CNTN5: variants seen among roughly 807,000 people sequenced by gnomAD.
CNTN5 encodes contactin 5.
CNTN5 carries 77 observed loss-of-function variants against 129.1 expected under a neutral mutation model. That is an observed-to-expected ratio of 0.60 (90% CI 0.50 to 0.72). The LOEUF is 0.72. Among genes scored for constraint, CNTN5 ranks in the 30% least tolerant of loss-of-function variants. The probability of loss-of-function intolerance (pLI) is 0.00; values close to 1 mark genes in which losing one functional copy is unlikely to be tolerated. For missense variants in CNTN5, 1,478 were observed against 1,328.8 expected, an observed-to-expected ratio of 1.11 and a Z score of -1.75; for synonymous variants, 509 against 465.6, an observed-to-expected ratio of 1.09 and a Z score of -1.20.
At chr11:99,711,065 T>A (rs1342358923) in intron 3 of CNTN5, among the ~76,000 whole-genome samples, 4 of 151,950 alleles carry the variant, frequency 2.6e-5, no homozygotes, top group African/African-American at 9.7e-5. Flanking sequence ...ATTCTAATTG[T>A]ACATAACCTA....
chr11:100,039,280 A>T (rs189638372), intron 9 of CNTN5, among the ~76,000 whole-genome samples: 1 of 152,176 alleles, frequency 6.6e-6, no homozygotes, highest in African/African-American at 2.4e-5. Context: ...TTTCTTTAAG[A>T]ATGTTGAATA....
At chr11:99,621,182 C>T (rs1436320068) in intron 3 of CNTN5, among the ~76,000 whole-genome samples, 1 of 152,004 alleles carries the variant, frequency 6.6e-6, no homozygotes, top group Non-Finnish European at 1.5e-5. Flanking sequence ...CAGTCATGGC[C>T]AGTGATGAAA....
chr11:99,873,015 T>C (rs1411888490), intron 6 of CNTN5, among the ~76,000 whole-genome samples: 1 of 152,104 alleles, frequency 6.6e-6, no homozygotes, highest in East Asian at 1.9e-4. Flanking sequence ...TTTACCCTTA[T>C]AAATGTAATA....
rs181120960 is a variant in CNTN5 at position 100,117,627 on chromosome 11, C to A, written c.1580+43333C>A. Among the ~76,000 whole-genome samples, 60 of 151,992 alleles carry A rather than the reference C, an allele frequency of 3.9e-4. No homozygotes were observed. The East Asian group carries it at 0.011, about 29-fold the overall frequency. ...AAAATTACCTTCACCACCTGAAAAT[C>A]TCTTTGTATCAGGCATAATAGCTGG... On this transcript the variant is annotated intron_variant, in intron 13 of 24. Coordinates refer to ENST00000524871, the MANE Select transcript of CNTN5 (RefSeq NM_014361.4).
intron 9 of CNTN5, among the ~76,000 whole-genome samples, chr11:100,023,297 G>T (rs1300456309): frequency 6.6e-6 from 1 of 152,116 alleles, no homozygotes; most frequent in Non-Finnish European, 1.5e-5. Context: ...CCTCCAGTGT[G>T]TTTTATCAGA....
chr11:99,799,692 G>A (rs528853866), intron 3 of CNTN5, among the ~76,000 whole-genome samples: 3 of 152,136 alleles, frequency 2.0e-5, no homozygotes, highest in Admixed American at 6.5e-5. Flanking sequence ...CAGGGATATT[G>A]GCATGTAATT....
At chr11:100,061,594 A>G (rs1943486429) in intron 10 of CNTN5, among the ~76,000 whole-genome samples, 1 of 152,234 alleles carries the variant, frequency 6.6e-6, no homozygotes, top group Non-Finnish European at 1.5e-5. Flanking sequence ...ATGGGGAATT[A>G]TCGGTGTCTT....
chr11:100,177,020 A>T (rs1023793083), intron 13 of CNTN5, among the ~76,000 whole-genome samples: 1 of 152,018 alleles, frequency 6.6e-6, no homozygotes, highest in Non-Finnish European at 1.5e-5. Flanking sequence ...GCTGAAGAGT[A>T]TGTTATCTTG....
At chr11:99,070,566 T>C (rs1259890046) in intron 1 of CNTN5, among the ~76,000 whole-genome samples, 1 of 151,752 alleles carries the variant, frequency 6.6e-6, no homozygotes, top group African/African-American at 2.4e-5. Flanking sequence ...GATAGACAAA[T>C]ATACTTTTAC....
At chr11:100,198,070 T>G (rs1948692069) in intron 15 of CNTN5, among the ~76,000 whole-genome samples, 1 of 151,972 alleles carries the variant, frequency 6.6e-6, no homozygotes, top group African/African-American at 2.4e-5. Context: ...ATTTTTAAAC[T>G]ACACATTTGT....
intron 3 of CNTN5, among the ~76,000 whole-genome samples, chr11:99,800,552 C>A (rs1218047523): frequency 6.6e-6 from 1 of 151,988 alleles, no homozygotes; most frequent in African/African-American, 2.4e-5. Flanking sequence ...TAAATTCCTC[C>A]ACTATTATCA....
In CNTN5 at chr11:100,288,281, C is replaced by G. The variant is rs1950850511; in HGVS notation, c.2315-9344C>G. Reference sequence around the variant, plus strand: ...ACCTAATAGACATCTACAGAACTCTCCACCCCAAATCAACAGAATATACAT... The same window carrying G: ...ACCTAATAGACATCTACAGAACTCTGCACCCCAAATCAACAGAATATACAT... On this transcript the variant is annotated intron_variant, in intron 18 of 24. Transcript: ENST00000524871. Among the ~76,000 whole-genome samples the G allele has an allele frequency of 3.6e-5, 5 of 137,260 alleles. No homozygotes were observed. The South Asian group carries it at 1.2e-3, about 32-fold the overall frequency. The allele number at this position is 137,260 out of a possible 152,430, so 90.0% of individuals were successfully genotyped here. A position where few individuals can be genotyped will look rare whatever the true frequency, so the allele number is the denominator to read the frequency against.
chr11:99,177,940 A>G (rs1198553019), intron 1 of CNTN5, among the ~76,000 whole-genome samples: 1 of 152,186 alleles, frequency 6.6e-6, no homozygotes, highest in Non-Finnish European at 1.5e-5. Flanking sequence ...AGCAGCAGTC[A>G]ACTTTGTAGA....
chr11:99,474,526 G>T (rs950072321), intron 2 of CNTN5, among the ~76,000 whole-genome samples: 28 of 151,912 alleles, frequency 1.8e-4, no homozygotes, highest in African/African-American at 6.8e-4. Context: ...CCATTTCGTT[G>T]TCTTTTTAAA....
intron 13 of CNTN5, among the ~76,000 whole-genome samples, chr11:100,184,651 A>T (rs887904256): frequency 6.6e-6 from 1 of 152,142 alleles, no homozygotes; most frequent in African/African-American, 2.4e-5. Context: ...GTAAGCAGAA[A>T]ATCCAATTAA....
chr11:99,770,228 T>C (rs953703314), intron 3 of CNTN5, among the ~76,000 whole-genome samples: 2 of 152,076 alleles, frequency 1.3e-5, no homozygotes, highest in Non-Finnish European at 2.9e-5. Context: ...TTATCTTTTC[T>C]CTTAAATTTA....
At chr11:99,495,918 T>C (rs115100772) in intron 2 of CNTN5, among the ~76,000 whole-genome samples, 3,605 of 152,232 alleles carry the variant, frequency 0.024, 155 homozygotes, top group African/African-American at 0.082. Flanking sequence ...GTTTAGTTTA[T>C]TGGCTTGGAT....
At chr11:99,451,725 T>A (rs1944309077) in intron 2 of CNTN5, among the ~76,000 whole-genome samples, 1 of 152,164 alleles carries the variant, frequency 6.6e-6, no homozygotes, top group Admixed American at 6.5e-5. Flanking sequence ...CTTTTAAACA[T>A]AGTACCTAGA....
At chr11:99,894,447 C>A (rs1591377671) in intron 6 of CNTN5, among the ~76,000 whole-genome samples, 1 of 141,744 alleles carries the variant, frequency 7.1e-6, no homozygotes, top group African/African-American at 2.6e-5. Context: ...TTTTTGTTTA[C>A]CACCTGCAAA....
Sources: gnomAD v4.1 joint callset for allele counts (sites outside exome capture counted in the v4.1 genomes callset) on GRCh38, gnomAD v4.1.1 for gene constraint, MANE v1.5 for transcripts, NCBI Gene and HGNC (gene_info 2026-07-23, HGNC 2026-07-21) for gene names.